The following KHDRBS2 variants were observed in gnomAD, a reference collection of about 807,000 sequenced individuals.
The protein encoded by KHDRBS2 is KH RNA binding domain containing, signal transduction associated 2.
A neutral mutation model predicts 44.3 loss-of-function variants in KHDRBS2; 26 were observed. The observed-to-expected ratio is 0.59, with a 90% CI of 0.43 to 0.81. KHDRBS2 has a LOEUF of 0.81. Ranked by LOEUF, KHDRBS2 falls within the 40% of genes least tolerant of loss-of-function variation. KHDRBS2 has a pLI of 0.00. For synonymous variants in KHDRBS2, 194 were observed against 151.1 expected, an observed-to-expected ratio of 1.28 and a Z score of -2.08; for missense variants, 476 against 433.1, an observed-to-expected ratio of 1.10 and a Z score of -0.88.
intron 2 of KHDRBS2, among the ~76,000 whole-genome samples, chr6:62,065,172 T>G (rs1793269388): frequency 1.3e-5 from 2 of 151,910 alleles, no homozygotes; most frequent in Non-Finnish European, 2.9e-5. Context: ...GGAACACTTT[T>G]ACACTGTTGG....
At chr6:61,701,408 G>A (rs966662299) in intron 7 of KHDRBS2, among the ~76,000 whole-genome samples, 1 of 151,960 alleles carries the variant, frequency 6.6e-6, no homozygotes, top group Admixed American at 6.6e-5. Context: ...AATCGCAAGA[G>A]ATAATATACA....
chr6:62,019,263 A>G (rs1331901822), intron 3 of KHDRBS2, among the ~76,000 whole-genome samples: 1 of 152,112 alleles, frequency 6.6e-6, no homozygotes, highest in East Asian at 1.9e-4. Flanking sequence ...GGTTTTGCAT[A>G]AATGCTCTTA....
intron 4 of KHDRBS2, among the ~76,000 whole-genome samples, chr6:61,945,130 T>TATAC (rs1478895153): frequency 2.1e-5 from 2 of 95,476 alleles, no homozygotes; most frequent in African/African-American, 4.0e-5. Context: ...TATATATATA[T>TATAC]ATATATATAT....
chr6:61,987,026 A>G (rs1303668111), intron 3 of KHDRBS2, among the ~76,000 whole-genome samples: 1 of 152,228 alleles, frequency 6.6e-6, no homozygotes, highest in African/African-American at 2.4e-5. Flanking sequence ...AATATGTTAC[A>G]TGGATCACAT....
At chr6:62,037,467 C>T (rs990021333) in intron 3 of KHDRBS2, among the ~76,000 whole-genome samples, 21 of 145,506 alleles carry the variant, frequency 1.4e-4, no homozygotes, top group African/African-American at 4.1e-4. Flanking sequence ...AATTTTTAGG[C>T]GAAAAAAAAA....
intron 2 of KHDRBS2, among the ~76,000 whole-genome samples, chr6:62,143,550 T>C (rs1270650703): frequency 1.3e-5 from 2 of 152,024 alleles, no homozygotes; most frequent in East Asian, 3.8e-4. Flanking sequence ...CTTAAGTGTT[T>C]GAACACTGCC....
the KHDRBS2 span, among the ~76,000 whole-genome samples, chr6:61,648,679 T>G: frequency 6.6e-6 from 1 of 152,124 alleles, no homozygotes; most frequent in African/African-American, 2.4e-5. Context: ...AGGCGGTCAT[T>G]CTAACCATCC....
chr6:62,107,066 C>A (rs1475026899), intron 2 of KHDRBS2, among the ~76,000 whole-genome samples: 3 of 151,656 alleles, frequency 2.0e-5, no homozygotes, highest in Non-Finnish European at 4.4e-5. Context: ...CACTCCTATT[C>A]AACATAGTGT....
intron 2 of KHDRBS2, among the ~76,000 whole-genome samples, chr6:62,145,066 G>C (rs1025134978): frequency 6.6e-6 from 1 of 151,912 alleles, no homozygotes; most frequent in African/African-American, 2.4e-5. Context: ...CTAGCACCCT[G>C]ATTTTTGTAC....
intron 6 of KHDRBS2, among the ~76,000 whole-genome samples, chr6:61,844,738 C>T (rs567591871): frequency 8.9e-6 from 1 of 112,316 alleles, no homozygotes; most frequent in Admixed American, 8.5e-5. Flanking sequence ...ATTCTTGATA[C>T]TCCTGTTCAC....
intron 8 of KHDRBS2, among the ~76,000 whole-genome samples, chr6:61,684,354 G>A (rs962731411): frequency 7.9e-5 from 12 of 151,834 alleles, no homozygotes; most frequent in Admixed American, 6.6e-4. Flanking sequence ...CTTGAGCATG[G>A]AAGAGGCCCA....
chr6:62,066,884 C>G (rs1793858507), intron 2 of KHDRBS2, among the ~76,000 whole-genome samples: 1 of 151,486 alleles, frequency 6.6e-6, no homozygotes, highest in Non-Finnish European at 1.5e-5. Context: ...TAAAAATTAA[C>G]TATAGTGTTG....
At chr6:61,830,183 G>A (rs555114412) in intron 6 of KHDRBS2, among the ~76,000 whole-genome samples, 1 of 152,270 alleles carries the variant, frequency 6.6e-6, no homozygotes, top group South Asian at 2.1e-4. Flanking sequence ...GAAAGTGGAG[G>A]ATATATTGAT....
intron 8 of KHDRBS2, among the ~76,000 whole-genome samples, chr6:61,682,233 A>C (rs1180531595): frequency 6.6e-6 from 1 of 151,886 alleles, no homozygotes; most frequent in Admixed American, 6.6e-5. Flanking sequence ...ACAATCTACT[A>C]TGTAGAAAAA....
chr6:61,624,257 C>T, the KHDRBS2 span, among the ~76,000 whole-genome samples: 2 of 152,166 alleles, frequency 1.3e-5, no homozygotes, highest in Admixed American at 1.3e-4. Flanking sequence ...GGCAGATGAA[C>T]AGCCTAGCCA....
chr6:62,151,873 C>A (rs1206591392), intron 2 of KHDRBS2, among the ~76,000 whole-genome samples: 1 of 152,202 alleles, frequency 6.6e-6, no homozygotes. Flanking sequence ...CGGGTAACAT[C>A]TGCCCATCTA....
At chr6:61,616,724 G>A in the KHDRBS2 span, among the ~76,000 whole-genome samples, 1 of 152,020 alleles carries the variant, frequency 6.6e-6, no homozygotes, top group Admixed American at 6.5e-5. Context: ...GTATTAATGA[G>A]AAGACTAAGA....
At chr6:61,764,670 T>A (rs1779738867) in intron 6 of KHDRBS2, among the ~76,000 whole-genome samples, 2 of 151,942 alleles carry the variant, frequency 1.3e-5, no homozygotes, top group Non-Finnish European at 2.9e-5. Context: ...GCTGTATATA[T>A]GTCTTCTTTT....
chr6:61,992,023 A>G (rs892107027), intron 3 of KHDRBS2, among the ~76,000 whole-genome samples: 2 of 152,228 alleles, frequency 1.3e-5, no homozygotes, highest in Non-Finnish European at 2.9e-5. Flanking sequence ...GGACCTATAA[A>G]GTGGCTAACC....
Sources: allele counts gnomAD v4.1 joint callset (sites outside exome capture counted in the v4.1 genomes callset), GRCh38; gene constraint gnomAD v4.1.1; transcripts MANE v1.5; gene names NCBI Gene and HGNC (gene_info 2026-07-23, HGNC 2026-07-21).